ATP4B: variants seen among roughly 807,000 people sequenced by gnomAD.
The protein encoded by ATP4B is potassium-transporting ATPase subunit beta.
ATP4B carries 27 observed loss-of-function variants against 35.3 expected under a neutral mutation model. The observed-to-expected ratio is 0.76, with a 90% confidence interval of 0.56 to 1.05. ATP4B has a LOEUF of 1.05. ATP4B is among the 50% of genes least tolerant of loss of function. The pLI, the probability that ATP4B is intolerant of heterozygous loss-of-function variation, is 0.00. For missense variants in ATP4B, 375 were observed against 384.8 expected (o/e 0.97, Z 0.21); for synonymous variants, 162 against 156.0 (o/e 1.04, Z -0.29).
rs1594560310 is a variant in ATP4B, at chr13:113,650,655, A to G, written c.613-148T>C. The stretch of plus-strand genomic sequence containing the variant: ...GCATACTTAGCATAAATCAGATGCA[A>G]TCTTTCTAATCAGTGCTGAGATCTC... On this transcript the variant is annotated intron_variant, in intron 5 of 6. Coordinates refer to ENST00000335288, the MANE Select transcript of ATP4B (RefSeq NM_000705.4). The surrounding 1 kb of genome is among the most constrained non-coding windows in gnomAD (Gnocchi z 5.0). 5.0e-6 allele frequency: 3 copies of G among 597,030 alleles called. No homozygotes were observed. The highest frequency in any genetic ancestry group is 1.9e-5 in the African/African-American group (1 of 53,462). 37.0% of individuals were successfully genotyped at this position (597,030 alleles called of 1,614,324 possible).
At chr13:113,655,792 G>A (rs924038322) in intron 1 of ATP4B, among the ~76,000 whole-genome samples, 1 of 152,238 alleles carries the variant, frequency 6.6e-6, no homozygotes, top group Non-Finnish European at 1.5e-5. Flanking sequence ...CATGGATTCT[G>A]CTTAGTGAGC....
At chr13:113,655,004 G>A (rs191287727) in intron 1 of ATP4B, 62 bp from the exon 2 acceptor site, 2 of 1,598,692 alleles carry the variant, frequency 1.3e-6, no homozygotes, top group Admixed American at 1.7e-5. Context: ...ACAATTCGGT[G>A]GCCTTGAGCG....
intron 1 of ATP4B, among the ~76,000 whole-genome samples, chr13:113,656,762 C>T (rs2140706298): frequency 6.6e-6 from 1 of 152,282 alleles, no homozygotes; most frequent in South Asian, 2.1e-4. Flanking sequence ...GCCATGTCTA[C>T]CGGCCAGGCA....
At chr13:113,656,045 G>A (rs143092233) in intron 1 of ATP4B, among the ~76,000 whole-genome samples, 39 of 152,358 alleles carry the variant, frequency 2.6e-4, no homozygotes, top group African/African-American at 8.9e-4. Context: ...TCCCCGCCGG[G>A]CGTCCCTGGT....
intron 2 of ATP4B, among the ~76,000 whole-genome samples, chr13:113,653,810 C>T (rs12020712): frequency 0.2 from 31,109 of 152,234 alleles, 3,321 homozygotes; most frequent in East Asian, 0.24. Context: ...TGGTTAAGAA[C>T]AAAAGCAGTC....
At chr13:113,657,145 G>A (rs529789756) in intron 1 of ATP4B, among the ~76,000 whole-genome samples, 8 of 152,242 alleles carry the variant, frequency 5.3e-5, no homozygotes, top group South Asian at 2.1e-4. Context: ...TTCCCAGCAC[G>A]TCTCAGCTAC....
At chr13:113,651,866 G>T in intron 4 of ATP4B, 139 bp from the exon 5 acceptor site, 2 of 976,152 alleles carry the variant, frequency 2.0e-6, no homozygotes, top group Non-Finnish European at 2.9e-6. Flanking sequence ...CCTTGGTCTG[G>T]TTTGCGGCTT....
intron 5 of ATP4B, among the ~76,000 whole-genome samples, chr13:113,651,310 A>C (rs564365807): frequency 5.1e-4 from 78 of 152,362 alleles, no homozygotes; most frequent in African/African-American, 1.9e-3. Flanking sequence ...CAGTTAAACA[A>C]CTGTAGCTGC....
In ATP4B at chr13:113,652,930, C is replaced by T. The variant is rs780066459; in HGVS notation, c.498G>A (p.Ala166=). ...ADMLQNCSGL[A]DPNFGFEEGK... is the part of the protein sequence containing the mutation. The stretch of plus-strand genomic sequence containing the variant: ...CTTCTTCAAAGCCGAAGTTGGGATC[C>T]GCCAGGCCTGAGCAGTTCTGCAGCA... The change falls in exon 4 of 7, where the codon GCG becomes GCA. Residue 166 remains alanine (A), a synonymous_variant. Transcript: ENST00000335288. The T allele has an allele frequency of 4.3e-5, 70 of 1,614,092 alleles. No individual in the cohort carries two copies. Among genetic ancestry groups the T allele is most frequent in the African/African-American group, 5.3e-5 (4 of 74,922 alleles).
At chr13:113,655,909 G>C (rs181647538) in intron 1 of ATP4B, among the ~76,000 whole-genome samples, 8 of 152,252 alleles carry the variant, frequency 5.3e-5, no homozygotes, top group Admixed American at 3.9e-4. Context: ...AGAGGCTGTG[G>C]CCTGTGGACT....
intron 5 of ATP4B, 40 bp downstream of exon 5, chr13:113,651,631 T>A: frequency 1.3e-6 from 2 of 1,556,192 alleles, no homozygotes; most frequent in Non-Finnish European, 1.7e-6. Flanking sequence ...GACAAGCTCC[T>A]TTCCTGGGGC....
intron 4 of ATP4B, chr13:113,652,664 CT>C (rs1566688362): frequency 1.5e-6 from 1 of 677,404 alleles, no homozygotes; most frequent in South Asian, 1.6e-5. Flanking sequence ...CGGCTATGTG[CT>C]GGTGTCTGAC....
intron 1 of ATP4B, among the ~76,000 whole-genome samples, chr13:113,657,492 G>A (rs933384365): frequency 6.6e-6 from 1 of 152,226 alleles, no homozygotes; most frequent in Non-Finnish European, 1.5e-5. Context: ...CCGCGCCTCT[G>A]TGCAGCCACG....
rs746777234 is a variant in ATP4B, at chr13:113,650,302, C to G, written c.714+104G>C. 1.0e-5 allele frequency: 12 copies of G among 1,156,282 alleles called. No homozygotes were observed. The highest frequency in any genetic ancestry group is 1.5e-5 in the Non-Finnish European group (12 of 784,444). The allele number at this position is 1,156,282 out of a possible 1,614,324, so 71.6% of individuals were successfully genotyped here. ...CCAGTCAGGACCGGCTAAGTCACAC[C>G]TTTGTTTCATTTTTCTACATGAAGG... is the stretch of plus-strand genomic sequence containing the variant. On this transcript the variant is annotated intron_variant, in intron 6 of 6. Transcript: ENST00000335288. The surrounding 1 kb of genome is among the most constrained non-coding windows in gnomAD (Gnocchi z 5.0).
At position 113,650,289 on chromosome 13, in the gene ATP4B, G is replaced by A. The variant is rs527643171; in HGVS notation, c.714+117C>T. 22 of 972,486 alleles carry A rather than the reference G, an allele frequency of 2.3e-5. No individual in the cohort carries two copies. Among genetic ancestry groups the A allele is most frequent in the African/African-American group, 6.5e-5 (4 of 61,964 alleles). 60.2% of individuals were successfully genotyped at this position (972,486 alleles called of 1,614,324 possible). ...CACGCAGAACGTTCCAGTCAGGACCGGCTAAGTCACACCTTTGTTTCATTT... is the reference window on the plus strand; with the variant it reads ...CACGCAGAACGTTCCAGTCAGGACCAGCTAAGTCACACCTTTGTTTCATTT... On this transcript the variant is annotated intron_variant, in intron 6 of 6. Transcript: ENST00000335288. The surrounding 1 kb of genome is among the most constrained non-coding windows in gnomAD (Gnocchi z 5.0).
At chr13:113,655,300 G>A (rs1251551965) in intron 1 of ATP4B, among the ~76,000 whole-genome samples, 1 of 152,196 alleles carries the variant, frequency 6.6e-6, no homozygotes, top group Non-Finnish European at 1.5e-5. Context: ...TCTGAGGGGG[G>A]AGTTATGGTT....
chr13:113,648,927 TA>T lies in ATP4B; in HGVS notation c.*446del, dbSNP rs2140696543. 6.5e-6 allele frequency: 1 copy of T among 152,896 alleles called. No homozygotes were observed. The highest frequency in any genetic ancestry group is 2.1e-4 in the South Asian group (1 of 4,878). 9.5% of individuals were successfully genotyped at this position (152,896 alleles called of 1,614,324 possible). A position where few individuals can be genotyped will look rare whatever the true frequency, so the allele number is the denominator to read the frequency against. ...GTTTACAACTTAGGAATTGCAATTT[TA>T]AAAGCAAGAATTCAGAATGTCATTA... is the stretch of plus-strand genomic sequence containing the variant. On this transcript the variant is annotated 3_prime_UTR_variant, in exon 7 of 7. Coordinates refer to ENST00000335288, the MANE Select transcript of ATP4B (RefSeq NM_000705.4).
chr13:113,656,311 G>C (rs2140705842), intron 1 of ATP4B, among the ~76,000 whole-genome samples: 1 of 152,332 alleles, frequency 6.6e-6, no homozygotes, highest in South Asian at 2.1e-4. Context: ...TTCCCCCGCT[G>C]TGGGTCCTGT....
intron 1 of ATP4B, among the ~76,000 whole-genome samples, chr13:113,656,042 C>T (rs538934178): frequency 4.6e-5 from 7 of 152,382 alleles, no homozygotes; most frequent in East Asian, 3.9e-4. Flanking sequence ...CTTTCCCCGC[C>T]GGGCGTCCCT....
Sources: gnomAD v4.1 joint callset for allele counts (sites outside exome capture counted in the v4.1 genomes callset) on GRCh38, gnomAD v4.1.1 for gene constraint, Gnocchi (gnomAD v3.1) non-coding constraint, MANE v1.5 for transcripts, NCBI Gene and HGNC (gene_info 2026-07-23, HGNC 2026-07-21) for gene names.